The following CHRNA9 variants were observed in gnomAD, a reference collection of about 807,000 sequenced individuals.
CHRNA9 encodes the protein cholinergic receptor nicotinic alpha 9 subunit, also known as neuronal acetylcholine receptor subunit alpha-9.
A neutral mutation model predicts 36.8 loss-of-function variants in CHRNA9; 24 were observed. The ratio of observed to expected loss-of-function variants is 0.65; its 90% CI spans 0.47 to 0.92. The LOEUF is 0.92. Ranked by LOEUF, CHRNA9 falls within the 40% of genes least tolerant of loss-of-function variation. The pLI is 0.00. For synonymous variants in CHRNA9, 231 were observed against 231.8 expected, an observed-to-expected ratio of 1.00 and a Z score of 0.03; for missense variants, 610 against 601.2, an observed-to-expected ratio of 1.01 and a Z score of -0.15.
Position 40,349,229 on chromosome 4 carries a change from C to G in CHRNA9, c.713C>G (p.Ser238Trp). ...ACCCTCCTTCTGAAGAGGAGGTCCTCGTTCTATATCGTCAACCTCCTCATC... is the reference window on the plus strand; with the variant it reads ...ACCCTCCTTCTGAAGAGGAGGTCCTGGTTCTATATCGTCAACCTCCTCATC... The part of the protein sequence containing the change: ...TFTLLLKRRS[S>W]FYIVNLLIPC... Residue 238 changes from serine (S) to tryptophan (W), a missense_variant, in exon 4 of 5, where the codon TCG (serine) becomes TGG (tryptophan). Physicochemically the swap from Ser to Trp is radical, Grantham distance 177 (BLOSUM62 -3). Coordinates refer to ENST00000310169, the MANE Select transcript of CHRNA9 (RefSeq NM_017581.4). 3 of 1,614,170 alleles carry G rather than the reference C, an allele frequency of 1.9e-6. No individual in the cohort carries two copies. The highest frequency in any genetic ancestry group is 2.5e-6 in the Non-Finnish European group (3 of 1,180,016).
At chr4:40,337,130 T>C (rs561204356) in intron 2 of CHRNA9, 80 bp from the exon 3 acceptor site, 18 of 1,297,914 alleles carry the variant, frequency 1.4e-5, no homozygotes, top group Non-Finnish European at 1.8e-5. Flanking sequence ...GAAATTCCTA[T>C]TGTGAAGAAC....
chr4:40,341,585 A>G (rs953053300), intron 3 of CHRNA9, among the ~76,000 whole-genome samples: 3 of 152,288 alleles, frequency 2.0e-5, no homozygotes, highest in Admixed American at 2.0e-4. Context: ...TTTTATTTAC[A>G]TAGGGCGCAA....
intron 3 of CHRNA9, among the ~76,000 whole-genome samples, chr4:40,342,387 C>T (rs1386713103): frequency 6.6e-6 from 1 of 152,008 alleles, no homozygotes; most frequent in Non-Finnish European, 1.5e-5. Flanking sequence ...ATAGAGATGC[C>T]AAAAGCCCTT....
chr4:40,341,678 C>A (rs903009117), intron 3 of CHRNA9, among the ~76,000 whole-genome samples: 1 of 152,170 alleles, frequency 6.6e-6, no homozygotes, highest in Non-Finnish European at 1.5e-5. Context: ...GAGCCCATAC[C>A]CACTCTGTGG....
chr4:40,337,292 A>C lies in CHRNA9; in HGVS notation c.293A>C (p.Gln98Pro). 1 of 1,614,238 alleles carries C rather than the reference A, an allele frequency of 6.2e-7. No individual in the cohort carries two copies. The highest frequency in any genetic ancestry group is 1.6e-4 in the Middle Eastern group (1 of 6,062). Residue 98 changes from glutamine (Q) to proline (P), a missense_variant, in exon 3 of 5, where the codon CAG becomes CCG. Gln to Pro is a moderately conservative substitution (Grantham distance 76, BLOSUM62 -1). Transcript: ENST00000310169. ...GCCTATCTCACGTGGGACCGAGATC[A>C]GTACGATGGCCTAGACTCCATCAGG... The part of the protein sequence containing the change: ...HDAYLTWDRD[Q>P]YDGLDSIRIP...
chr4:40,352,451 C>T (rs776750528), intron 4 of CHRNA9, among the ~76,000 whole-genome samples: 2 of 152,178 alleles, frequency 1.3e-5, no homozygotes, highest in Non-Finnish European at 2.9e-5. Flanking sequence ...TCTCCAACTC[C>T]TGACCTCAAG....
intron 4 of CHRNA9, among the ~76,000 whole-genome samples, chr4:40,351,331 C>CAA (rs113056490): frequency 0.32 from 46,201 of 145,348 alleles, 7,909 homozygotes; most frequent in African/African-American, 0.44. Context: ...GACTTCGTCT[C>CAA]AAAAAAAAAA....
chr4:40,341,776 A>G (rs1712508065), intron 3 of CHRNA9, among the ~76,000 whole-genome samples: 1 of 152,168 alleles, frequency 6.6e-6, no homozygotes, highest in African/African-American at 2.4e-5. Flanking sequence ...ATTTTGTCCA[A>G]TTCTTTGTTC....
chr4:40,338,517 G>A (rs1712392244), intron 3 of CHRNA9, among the ~76,000 whole-genome samples: 1 of 152,142 alleles, frequency 6.6e-6, no homozygotes, highest in Non-Finnish European at 1.5e-5. Context: ...AGTGGGAAGA[G>A]TTCCTCTGTG....
intron 4 of CHRNA9, among the ~76,000 whole-genome samples, chr4:40,351,664 T>A (rs1712809367): frequency 6.6e-6 from 1 of 152,208 alleles, no homozygotes; most frequent in Admixed American, 6.5e-5. Context: ...TTAAGAAAGG[T>A]CTCATATATT....
intron 1 of CHRNA9, 121 bp from the exon 2 acceptor site, chr4:40,335,706 C>T (rs1377176084): frequency 1.8e-6 from 2 of 1,118,416 alleles, no homozygotes; most frequent in African/African-American, 1.5e-5. Context: ...CATCCATCCA[C>T]CCAAAGCTTG....
rs760450437 is a variant in CHRNA9 at position 40,335,981 on chromosome 4, C to T, written c.210+9C>T. 1.9e-6 allele frequency: 3 copies of T among 1,608,624 alleles called. No homozygotes were observed. The East Asian group carries it at 6.7e-5, about 36-fold the overall frequency. On this transcript the variant is annotated intron_variant, in intron 2 of 4. Coordinates refer to ENST00000310169, the MANE Select transcript of CHRNA9 (RefSeq NM_017581.4). The stretch of plus-strand genomic sequence containing the variant: ...CTCAGATTAAGGATATGGTGAGTAA[C>T]ACATGGTGCTGACTCTGTGGAATGA...
rs572867780 is a variant in CHRNA9 at position 40,354,854 on chromosome 4, A to G, written c.*334A>G. On this transcript the variant is annotated 3_prime_UTR_variant, in exon 5 of 5. Coordinates refer to ENST00000310169, the MANE Select transcript of CHRNA9 (RefSeq NM_017581.4). ...CTTTACTGGTAAAATTTAAAACAAAAAAGGCAAAACAAAACAAACTCATTT... is the reference window on the plus strand; with the variant it reads ...CTTTACTGGTAAAATTTAAAACAAAGAAGGCAAAACAAAACAAACTCATTT... The G allele has an allele frequency of 9.7e-5, 19 of 196,382 alleles. No homozygotes were observed. Among genetic ancestry groups the G allele is most frequent in the Non-Finnish European group, 1.7e-4 (16 of 94,730 alleles). The allele number at this position is 196,382 out of a possible 1,614,324, so 12.2% of individuals were successfully genotyped here. A position where few individuals can be genotyped will look rare whatever the true frequency, so the allele number is the denominator to read the frequency against.
intron 3 of CHRNA9, chr4:40,348,130 T>G (rs10029313): frequency 0.69 from 104,884 of 152,118 alleles, 36,573 homozygotes; most frequent in East Asian, 0.95. Context: ...GCTTAAGATC[T>G]AAACTCTGGA....
intron 3 of CHRNA9, among the ~76,000 whole-genome samples, chr4:40,337,643 T>G (rs972610839): frequency 6.6e-6 from 1 of 152,032 alleles, no homozygotes; most frequent in Non-Finnish European, 1.5e-5. Flanking sequence ...CATAACAGAG[T>G]AGCACAGATT....
chr4:40,353,637 C>T (rs1712864625), intron 4 of CHRNA9, among the ~76,000 whole-genome samples: 1 of 152,172 alleles, frequency 6.6e-6, no homozygotes. Flanking sequence ...ACAATGGTCC[C>T]ATAAGATTAT....
At chr4:40,338,210 C>A (rs1712382510) in intron 3 of CHRNA9, 1 of 152,070 alleles carries the variant, frequency 6.6e-6, no homozygotes, top group Non-Finnish European at 1.5e-5. Context: ...TGACGTTTTC[C>A]CGGTCTCAGA....
chr4:40,351,498 G>A (rs1163381235), intron 4 of CHRNA9, among the ~76,000 whole-genome samples: 1 of 151,980 alleles, frequency 6.6e-6, no homozygotes, highest in African/African-American at 2.4e-5. Context: ...TTTAGGAAAA[G>A]TGCCCACAGA....
chr4:40,335,613 C>A, intron 1 of CHRNA9, 82 bp downstream of exon 1: 6 of 1,162,590 alleles, frequency 5.2e-6, no homozygotes, highest in Non-Finnish European at 7.8e-6. Flanking sequence ...ACAGGGAAGA[C>A]AAAACAGATG....
Sources: allele counts gnomAD v4.1 joint callset (sites outside exome capture counted in the v4.1 genomes callset), GRCh38; gene constraint gnomAD v4.1.1; transcripts MANE v1.5; gene names NCBI Gene and HGNC (gene_info 2026-07-23, HGNC 2026-07-21).